TENM2: variants seen among roughly 807,000 people sequenced by gnomAD.
TENM2 encodes teneurin transmembrane protein 2.
Under a neutral mutation model 245.2 loss-of-function variants are expected in TENM2, and 52 were observed. That is an observed-to-expected ratio of 0.21 (90% CI 0.17 to 0.27). The LOEUF (loss-of-function observed/expected upper bound fraction) is 0.27. Among genes scored for constraint, TENM2 ranks in the 10% least tolerant of loss-of-function variants. The pLI is 1.00. For missense variants in TENM2, 3,046 were observed against 3,666.8 expected (o/e 0.83, Z 4.37); for synonymous variants, 1,363 against 1,438.9 (o/e 0.95, Z 1.19).
chr5:167,864,038 G>A (rs1465260124), intron 2 of TENM2, among the ~76,000 whole-genome samples: 2 of 152,092 alleles, frequency 1.3e-5, no homozygotes, highest in Admixed American at 1.3e-4. Flanking sequence ...GGCTACTGGT[G>A]GGTAGACTCC....
At chr5:167,942,090 C>T (rs958627489) in intron 3 of TENM2, among the ~76,000 whole-genome samples, 2 of 152,068 alleles carry the variant, frequency 1.3e-5, no homozygotes, top group African/African-American at 4.8e-5. Flanking sequence ...TGCCTGTAAT[C>T]CCAGCTACTC....
At chr5:167,223,353 C>A in the TENM2 span, among the ~76,000 whole-genome samples, 1 of 151,960 alleles carries the variant, frequency 6.6e-6, no homozygotes, top group Non-Finnish European at 1.5e-5. Context: ...CCCCATACAC[C>A]CTTCTCAGTC....
chr5:167,347,258 C>G (rs1347633557), intron 1 of TENM2, among the ~76,000 whole-genome samples: 2 of 152,148 alleles, frequency 1.3e-5, no homozygotes, highest in East Asian at 3.9e-4. Context: ...GTAATAAAAC[C>G]TGTGCTTTGC....
intron 17 of TENM2, among the ~76,000 whole-genome samples, chr5:168,202,017 T>C (rs941738611): frequency 6.6e-6 from 1 of 152,214 alleles, no homozygotes; most frequent in African/African-American, 2.4e-5. Context: ...AACAACTTGA[T>C]AGGTGTGGCT....
At chr5:168,089,680 C>A (rs913378867) in intron 7 of TENM2, among the ~76,000 whole-genome samples, 1 of 152,174 alleles carries the variant, frequency 6.6e-6, no homozygotes, top group Non-Finnish European at 1.5e-5. Flanking sequence ...CACTTAGGAG[C>A]TGTGTGACTT....
chr5:167,328,390 G>A (rs1319615109), intron 1 of TENM2, among the ~76,000 whole-genome samples: 2 of 151,764 alleles, frequency 1.3e-5, no homozygotes, highest in Non-Finnish European at 1.5e-5. Context: ...TGTATTTTTA[G>A]TAGAGATGGG....
At chr5:167,537,730 T>A (rs1193596101) in intron 2 of TENM2, among the ~76,000 whole-genome samples, 1 of 152,200 alleles carries the variant, frequency 6.6e-6, no homozygotes, top group Non-Finnish European at 1.5e-5. Context: ...ATTAAAGCCA[T>A]AGACGCTCCT....
intron 12 of TENM2, among the ~76,000 whole-genome samples, chr5:168,158,850 TACACACAC>T (rs764713880): frequency 3.2e-5 from 2 of 62,334 alleles, no homozygotes; most frequent in Admixed American, 2.3e-4. Context: ...TATATATATA[TACACACAC>T]ACACACACAC....
chr5:167,718,323 C>G (rs1437364155), intron 2 of TENM2, among the ~76,000 whole-genome samples: 4 of 152,188 alleles, frequency 2.6e-5, no homozygotes, highest in Non-Finnish European at 5.9e-5. Context: ...GGCTTATTGT[C>G]TGACAAATTG....
chr5:167,007,750 A>G, the TENM2 span, among the ~76,000 whole-genome samples: 8 of 152,296 alleles, frequency 5.3e-5, no homozygotes, highest in South Asian at 1.7e-3. This position sits in a 1 kb window ranked among gnomAD's most constrained non-coding sequence, Gnocchi z 4.2. Flanking sequence ...TATCGAATCC[A>G]TTATTTTAAA....
chr5:167,303,020 TAAGAG>T (rs1379941743), intron 1 of TENM2: 2 of 152,372 alleles, frequency 1.3e-5, no homozygotes, highest in Non-Finnish European at 2.9e-5. Context: ...GAATTGAAAT[TAAGAG>T]AAGGGAGAGA....
rs138875757 is a variant in TENM2, at chr5:167,690,029, G to A, written c.503-185957G>A. On this transcript the variant is annotated intron_variant, in intron 2 of 28. Coordinates refer to ENST00000518659, the Ensembl canonical transcript of TENM2. ...TGCCATAATTTTGGGCCCATGACCCGGGAACTTCACCTCCTATTTGAAAAG... is the reference window on the plus strand; with the variant it reads ...TGCCATAATTTTGGGCCCATGACCCAGGAACTTCACCTCCTATTTGAAAAG... Among the ~76,000 whole-genome samples, 11 of 151,800 alleles carry A rather than the reference G, an allele frequency of 7.2e-5. No individual in the cohort carries two copies. In the East Asian group the frequency reaches 1.7e-3, roughly 24 times the overall value.
At chr5:168,115,089 T>G (rs1382111540) in intron 9 of TENM2, among the ~76,000 whole-genome samples, 1 of 151,802 alleles carries the variant, frequency 6.6e-6, no homozygotes, top group Non-Finnish European at 1.5e-5. Flanking sequence ...AGGTCAGGAG[T>G]TCGAGACCAG....
chr5:167,785,467 C>A (rs1764512006), intron 2 of TENM2, among the ~76,000 whole-genome samples: 2 of 152,152 alleles, frequency 1.3e-5, no homozygotes, highest in African/African-American at 4.8e-5. Context: ...CAATTGATTT[C>A]TAGTCCTGCA....
At chr5:167,463,146 G>A (rs377139212) in intron 2 of TENM2, among the ~76,000 whole-genome samples, 2 of 152,110 alleles carry the variant, frequency 1.3e-5, no homozygotes, top group Non-Finnish European at 2.9e-5. Flanking sequence ...TCCTAGTTCA[G>A]TATCTACAGA....
At chr5:167,714,355 C>T (rs1759111693) in intron 2 of TENM2, among the ~76,000 whole-genome samples, 1 of 152,206 alleles carries the variant, frequency 6.6e-6, no homozygotes, top group South Asian at 2.1e-4. Context: ...GTTTACCCTT[C>T]CCTATAGATC....
At chr5:167,029,600 T>C in the TENM2 span, among the ~76,000 whole-genome samples, 1 of 152,162 alleles carries the variant, frequency 6.6e-6, no homozygotes, top group Non-Finnish European at 1.5e-5. Flanking sequence ...AAGTGACTTA[T>C]CAGGCTAATC....
chr5:168,066,433 T>A (rs2152112121), intron 7 of TENM2, among the ~76,000 whole-genome samples: 1 of 152,284 alleles, frequency 6.6e-6, no homozygotes, highest in East Asian at 1.9e-4. Flanking sequence ...CTAGTGGCCT[T>A]TGTGTGCATC....
At chr5:167,155,032 T>C in the TENM2 span, among the ~76,000 whole-genome samples, 1 of 152,240 alleles carries the variant, frequency 6.6e-6, no homozygotes, top group Non-Finnish European at 1.5e-5. Context: ...GGTAAAGTTT[T>C]GTCATATTCT....
Sources: gnomAD v4.1 joint callset for allele counts (sites outside exome capture counted in the v4.1 genomes callset) on GRCh38, gnomAD v4.1.1 for gene constraint, Gnocchi (gnomAD v3.1) non-coding constraint, MANE v1.5 for transcripts, NCBI Gene and HGNC (gene_info 2026-07-23, HGNC 2026-07-21) for gene names.